Variants in TRPC5OS observed in about 807,000 individuals in gnomAD.
The protein encoded by TRPC5OS is TRPC5 opposite strand.
For synonymous variants in TRPC5OS, 30 were observed against 29.3 expected, an observed-to-expected ratio of 1.02 and a Z score of -0.08; for missense variants, 64 against 79.3, an observed-to-expected ratio of 0.81 and a Z score of 0.73.
chrX:111,899,917 T>G (rs911849013), intron 3 of TRPC5OS, among the ~76,000 whole-genome samples: 1 of 111,195 alleles, frequency 9.0e-6, no homozygotes, highest in East Asian at 2.8e-4. Context: ...TATGGAAAAT[T>G]GCCTCCAACA....
chrX:111,889,814 T>C (rs768340865), intron 1 of TRPC5OS, among the ~76,000 whole-genome samples: 4 of 112,109 alleles, frequency 3.6e-5, no homozygotes, highest in Non-Finnish European at 5.6e-5. Flanking sequence ...GCAAACCACA[T>C]ACTCTTGTCT....
chrX:111,886,694 G>T (rs1002193234), intron 1 of TRPC5OS, among the ~76,000 whole-genome samples: 7 of 111,892 alleles, frequency 6.3e-5, no homozygotes, highest in African/African-American at 2.3e-4. Flanking sequence ...GGAGGCCAAA[G>T]AAAGAGATCA....
intron 1 of TRPC5OS, among the ~76,000 whole-genome samples, chrX:111,878,867 C>T (rs959074296): frequency 1.8e-5 from 2 of 111,769 alleles, no homozygotes; most frequent in African/African-American, 6.5e-5. Flanking sequence ...CATGTGTAAC[C>T]TTCTTGGTTA....
chrX:111,882,212 G>C (rs1432707261), intron 1 of TRPC5OS, among the ~76,000 whole-genome samples: 3 of 110,800 alleles, frequency 2.7e-5, no homozygotes, highest in African/African-American at 9.9e-5. Context: ...TATAATTCTG[G>C]GTGGAGTGTT....
chrX:111,894,449 GGCCTCT>G (rs1924960800), intron 1 of TRPC5OS, among the ~76,000 whole-genome samples: 1 of 111,855 alleles, frequency 8.9e-6, no homozygotes, highest in Non-Finnish European at 1.9e-5. Context: ...TGGATAGTAT[GGCCTCT>G]GCCTCAGGGG....
intron 1 of TRPC5OS, among the ~76,000 whole-genome samples, chrX:111,877,396 GT>G (rs1470998968): frequency 7.1e-4 from 79 of 111,640 alleles, no homozygotes; most frequent in African/African-American, 2.5e-3. Context: ...GTTCATTTTA[GT>G]TGTGGTGACT....
At chrX:111,898,077 A>G (rs913704896) in intron 3 of TRPC5OS, among the ~76,000 whole-genome samples, 21 of 109,751 alleles carry the variant, frequency 1.9e-4, no homozygotes, top group African/African-American at 6.6e-4. Flanking sequence ...TAGCCAATCT[A>G]CTGAGTATAT....
intron 1 of TRPC5OS, 120 bp downstream of exon 1, chrX:111,876,393 T>A (rs1220540571): frequency 3.6e-5 from 4 of 111,985 alleles, no homozygotes; most frequent in Non-Finnish European, 5.6e-5. Flanking sequence ...GCACTTGCCT[T>A]CTTCTCCTGG....
At chrX:111,885,239 G>A (rs1016625846) in intron 1 of TRPC5OS, among the ~76,000 whole-genome samples, 8 of 112,575 alleles carry the variant, frequency 7.1e-5, no homozygotes, top group African/African-American at 2.6e-4. Context: ...AATTTAATGT[G>A]TAGCAAGGGC....
At chrX:111,880,474 C>T (rs921987368) in intron 1 of TRPC5OS, among the ~76,000 whole-genome samples, 4 of 112,530 alleles carry the variant, frequency 3.6e-5, no homozygotes, top group African/African-American at 1.3e-4. Context: ...TGTCTGGGCA[C>T]TGTCCTGTGA....
At chrX:111,886,311 G>A (rs751188086) in intron 1 of TRPC5OS, among the ~76,000 whole-genome samples, 17 of 111,938 alleles carry the variant, frequency 1.5e-4, no homozygotes, top group African/African-American at 5.2e-4. Context: ...TCTTCCATCC[G>A]GCCTACTTCC....
chrX:111,879,813 A>T (rs921890356), intron 1 of TRPC5OS, among the ~76,000 whole-genome samples: 2 of 112,486 alleles, frequency 1.8e-5, no homozygotes, highest in African/African-American at 6.4e-5. Context: ...ACAAGGTGAC[A>T]AGAGCTGAGA....
In TRPC5OS at chrX:111,903,879, A is replaced by G. The variant is rs1337433999; in HGVS notation, c.*1694A>G. 1 of 112,322 alleles carries G rather than the reference A, an allele frequency of 8.9e-6. No individual in the cohort carries two copies. The highest frequency in any genetic ancestry group is 3.2e-5 in the African/African-American group (1 of 30,933). The allele number at this position is 112,322 out of a possible 1,213,427, so 9.3% of individuals were successfully genotyped here. A position where few individuals can be genotyped will look rare whatever the true frequency, so the allele number is the denominator to read the frequency against. ...ATTCTTATGTGTGATGATTACTGCTAGTTATTATCTTATGATTGTTTACAA... is the reference window on the plus strand; with the variant it reads ...ATTCTTATGTGTGATGATTACTGCTGGTTATTATCTTATGATTGTTTACAA... On this transcript the variant is annotated 3_prime_UTR_variant, in exon 4 of 4. Coordinates refer to ENST00000635763, the MANE Select transcript of TRPC5OS (RefSeq NM_001195578.2).
chrX:111,899,136 G>A (rs1215579723), intron 3 of TRPC5OS, among the ~76,000 whole-genome samples: 1 of 108,965 alleles, frequency 9.2e-6, no homozygotes, highest in Non-Finnish European at 1.9e-5. Context: ...CTGAGATTGA[G>A]AATAAAAAAT....
intron 1 of TRPC5OS, among the ~76,000 whole-genome samples, chrX:111,885,717 C>G (rs1924458988): frequency 9.0e-6 from 1 of 111,273 alleles, no homozygotes; most frequent in Non-Finnish European, 1.9e-5. Flanking sequence ...TAAGTACCTT[C>G]TGCAATGCCA....
chrX:111,877,029 A>G (rs749993205), intron 1 of TRPC5OS, among the ~76,000 whole-genome samples: 1 of 111,653 alleles, frequency 9.0e-6, no homozygotes, highest in Admixed American at 9.6e-5. Flanking sequence ...CTATCTATGG[A>G]TGATCACATT....
intron 3 of TRPC5OS, among the ~76,000 whole-genome samples, chrX:111,900,245 T>C (rs1180602054): frequency 1.8e-5 from 2 of 111,728 alleles, no homozygotes; most frequent in Non-Finnish European, 3.8e-5. Flanking sequence ...ATAATAGACT[T>C]GGTAGAATCC....
At chrX:111,899,057 A>C (rs1383105951) in intron 3 of TRPC5OS, among the ~76,000 whole-genome samples, 4 of 110,676 alleles carry the variant, frequency 3.6e-5, no homozygotes, top group Non-Finnish European at 7.6e-5. Context: ...ACTCTTTCTT[A>C]TTATTGGAAT....
intron 1 of TRPC5OS, among the ~76,000 whole-genome samples, chrX:111,883,317 C>A (rs16986658): frequency 0.01 from 1,149 of 112,068 alleles, 22 homozygotes; most frequent in African/African-American, 0.035. Flanking sequence ...CAACTGGGAC[C>A]TATTCAGGGC....
Sources: allele counts gnomAD v4.1 joint callset (sites outside exome capture counted in the v4.1 genomes callset), GRCh38; gene constraint gnomAD v4.1.1; transcripts MANE v1.5; gene names NCBI Gene and HGNC (gene_info 2026-07-23, HGNC 2026-07-21).